SLC14A2: variants seen among roughly 807,000 people sequenced by gnomAD.
SLC14A2 encodes the protein urea transporter 2.
A neutral mutation model predicts 104.6 loss-of-function variants in SLC14A2; 91 were observed. That is an observed-to-expected ratio of 0.87 (90% CI 0.73 to 1.04). The LOEUF is 1.04. Among genes scored for constraint, SLC14A2 ranks in the 50% least tolerant of loss-of-function variants. SLC14A2 has a pLI of 0.00. For synonymous variants in SLC14A2, 476 were observed against 466.4 expected (o/e 1.02, Z -0.27); for missense variants, 1,189 against 1,156.0 (o/e 1.03, Z -0.41).
intron 1 of SLC14A2, among the ~76,000 whole-genome samples, chr18:45,474,556 CTTG>C (rs1283904304): frequency 3.9e-5 from 6 of 152,158 alleles, no homozygotes; most frequent in South Asian, 2.1e-4. Context: ...AATTTCAGAA[CTTG>C]TTGTTGGTCT....
At chr18:45,198,673 G>T in the SLC14A2 span, among the ~76,000 whole-genome samples, 136,428 of 152,080 alleles carry the variant, frequency 0.9, 61,218 homozygotes, top group Middle Eastern at 0.94. Context: ...TTGTAAGTTA[G>T]GCATTTTATT....
chr18:45,562,302 A>T (rs1190736885), intron 2 of SLC14A2, among the ~76,000 whole-genome samples: 1 of 152,244 alleles, frequency 6.6e-6, no homozygotes, highest in Non-Finnish European at 1.5e-5. Context: ...AGATAATGTC[A>T]GTTGACCTGA....
chr18:45,214,914 T>TAAAAAAAAAAAAA (rs11332986), intron 1 of SLC14A2, among the ~76,000 whole-genome samples: 2 of 113,846 alleles, frequency 1.8e-5, no homozygotes, highest in Non-Finnish European at 3.6e-5. Flanking sequence ...ACCATGTCTT[T>TAAAAAAAAAAAAA]AAAAAAAAAA....
chr18:45,553,115 CT>C (rs2144288042), intron 2 of SLC14A2, among the ~76,000 whole-genome samples: 1 of 152,294 alleles, frequency 6.6e-6, no homozygotes, highest in East Asian at 1.9e-4. Flanking sequence ...TCAAAAAACC[CT>C]GTTTGTCATT....
At chr18:45,377,829 T>A (rs986688433) in intron 1 of SLC14A2, among the ~76,000 whole-genome samples, 2 of 152,194 alleles carry the variant, frequency 1.3e-5, no homozygotes, top group Non-Finnish European at 2.9e-5. Flanking sequence ...AAATGAACCC[T>A]TGGTCTGGTC....
intron 14 of SLC14A2, 71 bp downstream of exon 14, chr18:45,668,093 T>C: frequency 6.9e-7 from 1 of 1,441,832 alleles, no homozygotes; most frequent in Non-Finnish European, 9.7e-7. Context: ...ATTCTTCCTC[T>C]TCCCAGCTGA....
chr18:45,209,952 C>T (rs1030606449), upstream of SLC14A2, among the ~76,000 whole-genome samples: 1 of 152,112 alleles, frequency 6.6e-6, no homozygotes, highest in Non-Finnish European at 1.5e-5. Context: ...TTATGCATAC[C>T]ATGTGATTAT....
intron 1 of SLC14A2, among the ~76,000 whole-genome samples, chr18:45,262,323 C>G (rs1386618900): frequency 6.6e-6 from 1 of 152,070 alleles, no homozygotes; most frequent in Non-Finnish European, 1.5e-5. Flanking sequence ...AGGATGGGAA[C>G]CAGCAACATA....
At chr18:45,169,448 T>C in the SLC14A2 span, among the ~76,000 whole-genome samples, 1 of 152,176 alleles carries the variant, frequency 6.6e-6, no homozygotes, top group African/African-American at 2.4e-5. Context: ...CTTTCCTGCC[T>C]CTTGCCTCCT....
intron 1 of SLC14A2, among the ~76,000 whole-genome samples, chr18:45,623,065 CA>C (rs1048960474): frequency 5.3e-5 from 8 of 151,936 alleles, no homozygotes; most frequent in African/African-American, 1.9e-4. Context: ...GAGGAAGTAA[CA>C]TAAGGGGCCA....
intron 1 of SLC14A2, among the ~76,000 whole-genome samples, chr18:45,322,055 CAT>C (rs1236009428): frequency 5.9e-5 from 9 of 152,140 alleles, no homozygotes; most frequent in African/African-American, 9.7e-5. Context: ...TGGCAGAACA[CAT>C]ATTTAAAAGT....
At chr18:45,383,986 G>A (rs369815146) in intron 1 of SLC14A2, among the ~76,000 whole-genome samples, 18 of 152,222 alleles carry the variant, frequency 1.2e-4, no homozygotes, top group Non-Finnish European at 2.1e-4. Flanking sequence ...CCAATATCAA[G>A]GATAAATCCC....
intron 1 of SLC14A2, among the ~76,000 whole-genome samples, chr18:45,310,512 AG>A (rs1215524444): frequency 3.3e-5 from 5 of 152,244 alleles, no homozygotes; most frequent in Non-Finnish European, 5.9e-5. Flanking sequence ...ACTCTTTGGC[AG>A]GAGTTAGAAT....
At chr18:45,335,286 C>T (rs1438644755) in intron 1 of SLC14A2, among the ~76,000 whole-genome samples, 1 of 152,198 alleles carries the variant, frequency 6.6e-6, no homozygotes, top group Non-Finnish European at 1.5e-5. Context: ...AGTGTGGCAT[C>T]TTTTTCATTC....
chr18:45,429,450 C>T (rs955633715), intron 1 of SLC14A2, among the ~76,000 whole-genome samples: 2 of 152,038 alleles, frequency 1.3e-5, no homozygotes, highest in Non-Finnish European at 2.9e-5. Flanking sequence ...ACAGGGTGGA[C>T]CATCTATGCC....
intron 1 of SLC14A2, among the ~76,000 whole-genome samples, chr18:45,245,133 C>G (rs1242450312): frequency 2.0e-5 from 3 of 152,198 alleles, no homozygotes; most frequent in African/African-American, 7.2e-5. Flanking sequence ...CACCTCCTTT[C>G]TGCAGGAGGA....
At chr18:45,242,266 T>C (rs2084325574) in intron 1 of SLC14A2, among the ~76,000 whole-genome samples, 1 of 152,170 alleles carries the variant, frequency 6.6e-6, no homozygotes, top group Admixed American at 6.5e-5. Context: ...TATGGCTTAC[T>C]TTCATCTTGA....
In SLC14A2 at chr18:45,682,774, C is replaced by T. The variant is rs2144674899; in HGVS notation, c.*255C>T. 2.3e-6 allele frequency: 1 copy of T among 435,004 alleles called. No homozygotes were observed. Among genetic ancestry groups the T allele is most frequent in the South Asian group, 2.3e-5 (1 of 43,812 alleles). The allele number at this position is 435,004 out of a possible 1,614,324, so 26.9% of individuals were successfully genotyped here. A position where few individuals can be genotyped will look rare whatever the true frequency, so the allele number is the denominator to read the frequency against. On this transcript the variant is annotated 3_prime_UTR_variant, in exon 20 of 20. Coordinates refer to ENST00000255226, the MANE Select transcript of SLC14A2 (RefSeq NM_007163.4). The stretch of plus-strand genomic sequence containing the variant: ...GCTCCCTTTGTGGGGAACTTGCCCT[C>T]TTCTGCGAAATAAGCCTCATCCTTA...
At chr18:45,675,990 T>C (rs1285829913) in intron 18 of SLC14A2, among the ~76,000 whole-genome samples, 1 of 152,116 alleles carries the variant, frequency 6.6e-6, no homozygotes, top group African/African-American at 2.4e-5. Flanking sequence ...ACTGTGAATA[T>C]TTTAATTTAA....
Sources: gnomAD v4.1 joint callset for allele counts (sites outside exome capture counted in the v4.1 genomes callset) on GRCh38, gnomAD v4.1.1 for gene constraint, MANE v1.5 for transcripts, NCBI Gene and HGNC (gene_info 2026-07-23, HGNC 2026-07-21) for gene names.